Variants in CTNNBL1 observed in about 807,000 individuals in gnomAD.
CTNNBL1 encodes beta-catenin-like protein 1.
In CTNNBL1, 31 loss-of-function variants were observed where a neutral mutation model predicts 72.7. The observed-to-expected ratio is 0.43, with a 90% CI of 0.32 to 0.58. CTNNBL1 has a LOEUF of 0.58. Ranked by LOEUF, CTNNBL1 falls within the 20% of genes least tolerant of loss-of-function variation. The pLI is 0.08. For missense variants in CTNNBL1, 534 were observed against 725.1 expected, an observed-to-expected ratio of 0.74 and a Z score of 3.03; for synonymous variants, 240 against 267.3, an observed-to-expected ratio of 0.90 and a Z score of 1.00.
chr20:37,715,804 A>C (rs957164145), intron 1 of CTNNBL1, among the ~76,000 whole-genome samples: 4 of 152,202 alleles, frequency 2.6e-5, no homozygotes, highest in Non-Finnish European at 5.9e-5. Flanking sequence ...TGGAGCTCTG[A>C]GGCTAGCTCT....
Position 37,733,061 on chromosome 20 carries a change from G to A in CTNNBL1, c.213G>A (p.Glu71=). ...TTGACAGAGATGGGGAAGAGGAAGA[G>A]GAAGAGGTAACGTGGCAGCGCTGGG... The part of the protein sequence containing the change: ...QIIDRDGEEE[E]EEEEPLDESS... Residue 71 remains glutamate (E), a synonymous_variant, in exon 2 of 16, where the codon GAG becomes GAA. Coordinates refer to ENST00000361383, the MANE Select transcript of CTNNBL1 (RefSeq NM_030877.5). 2.5e-6 allele frequency: 4 copies of A among 1,611,362 alleles called. No individual in the cohort carries two copies. In the Middle Eastern group the frequency reaches 5.3e-4, roughly 214 times the overall value.
At chr20:37,774,965 T>C (rs992566198) in intron 7 of CTNNBL1, among the ~76,000 whole-genome samples, 4 of 152,214 alleles carry the variant, frequency 2.6e-5, no homozygotes, top group Non-Finnish European at 5.9e-5. Context: ...TATTTTCATT[T>C]TACAGATGAG....
intron 13 of CTNNBL1, among the ~76,000 whole-genome samples, chr20:37,851,125 G>A (rs1362616851): frequency 2.0e-5 from 3 of 152,150 alleles, no homozygotes; most frequent in East Asian, 1.9e-4. Flanking sequence ...GCACCTTGGC[G>A]CTACACATAC....
intron 1 of CTNNBL1, among the ~76,000 whole-genome samples, chr20:37,725,444 C>T (rs1457830226): frequency 1.3e-5 from 2 of 151,736 alleles, no homozygotes; most frequent in Non-Finnish European, 2.9e-5. Flanking sequence ...TTACAGGCAC[C>T]CACCACCACA....
intron 1 of CTNNBL1, among the ~76,000 whole-genome samples, chr20:37,701,720 A>T (rs894012994): frequency 1.3e-5 from 2 of 152,238 alleles, no homozygotes; most frequent in Non-Finnish European, 2.9e-5. Context: ...TGTTCAAAGC[A>T]TAGGGTAAAT....
chr20:37,782,828 A>C (rs1200489184), intron 10 of CTNNBL1, among the ~76,000 whole-genome samples: 2 of 152,194 alleles, frequency 1.3e-5, no homozygotes, highest in African/African-American at 2.4e-5. Flanking sequence ...TTAGAGTTGA[A>C]AACATAGATT....
chr20:37,707,379 A>G (rs965503707), intron 1 of CTNNBL1, among the ~76,000 whole-genome samples: 2 of 152,190 alleles, frequency 1.3e-5, no homozygotes, highest in African/African-American at 4.8e-5. Context: ...AATTCTTCTG[A>G]CTAACTTGCT....
chr20:37,783,365 T>G (rs1261517315), intron 10 of CTNNBL1, among the ~76,000 whole-genome samples: 1 of 152,204 alleles, frequency 6.6e-6, no homozygotes, highest in Admixed American at 6.5e-5. Context: ...TTCATTTATT[T>G]CTGCTCTGAT....
chr20:37,788,968 G>C (rs897795272), intron 10 of CTNNBL1, among the ~76,000 whole-genome samples: 6 of 152,182 alleles, frequency 3.9e-5, no homozygotes, highest in Non-Finnish European at 5.9e-5. Flanking sequence ...AAGAAGAAAA[G>C]CTTTCTTGTT....
At chr20:37,861,344 CT>C (rs1487544775) in intron 15 of CTNNBL1, among the ~76,000 whole-genome samples, 1 of 152,242 alleles carries the variant, frequency 6.6e-6, no homozygotes, top group African/African-American at 2.4e-5. Flanking sequence ...GGCGGGGCCC[CT>C]GTTCTGAGCT....
At chr20:37,701,466 A>G (rs2072841455) in intron 1 of CTNNBL1, among the ~76,000 whole-genome samples, 1 of 152,218 alleles carries the variant, frequency 6.6e-6, no homozygotes, top group Non-Finnish European at 1.5e-5. Context: ...TGTAAGGAGC[A>G]AGACAGACAT....
chr20:37,818,891 C>T (rs1316724976), intron 11 of CTNNBL1, among the ~76,000 whole-genome samples: 4 of 152,180 alleles, frequency 2.6e-5, no homozygotes, highest in Non-Finnish European at 5.9e-5. Context: ...TGTGTAACTG[C>T]CCATAATCTG....
chr20:37,773,084 C>G (rs1202391148), intron 7 of CTNNBL1, among the ~76,000 whole-genome samples: 1 of 152,116 alleles, frequency 6.6e-6, no homozygotes, highest in African/African-American at 2.4e-5. Flanking sequence ...ACAGCAAAAC[C>G]AAGTATAAGA....
chr20:37,730,958 C>A (rs1013853008), intron 1 of CTNNBL1, among the ~76,000 whole-genome samples: 5 of 151,730 alleles, frequency 3.3e-5, no homozygotes, highest in Non-Finnish European at 5.9e-5. Context: ...GCTTCTGGGC[C>A]TTTATTATTA....
intron 1 of CTNNBL1, among the ~76,000 whole-genome samples, chr20:37,722,571 AT>A (rs1239408425): frequency 6.6e-6 from 1 of 152,190 alleles, no homozygotes; most frequent in Non-Finnish European, 1.5e-5. Flanking sequence ...ATTAAGAGAA[AT>A]TGAATTCCGT....
intron 10 of CTNNBL1, among the ~76,000 whole-genome samples, chr20:37,791,224 A>G (rs1357920115): frequency 6.6e-6 from 1 of 152,176 alleles, no homozygotes; most frequent in African/African-American, 2.4e-5. Context: ...TTCATGTGCA[A>G]ATCTTTGGGC....
intron 11 of CTNNBL1, among the ~76,000 whole-genome samples, chr20:37,839,519 C>T (rs1187240768): frequency 2.0e-5 from 3 of 152,112 alleles, no homozygotes; most frequent in East Asian, 3.8e-4. Context: ...TAATAGAAGC[C>T]GCTGGGTTGT....
rs1011551926 is a variant in CTNNBL1 at position 37,791,983 on chromosome 20, T to G, written c.1032-10884T>G. On this transcript the variant is annotated intron_variant, in intron 10 of 15. Coordinates refer to ENST00000361383, the MANE Select transcript of CTNNBL1 (RefSeq NM_030877.5). ...CTTTTCATAACACTCTTTTGAAAAT[T>G]TTTCAGTTTTGATGGAGTATAATTT... Among the ~76,000 whole-genome samples the G allele has an allele frequency of 2.0e-5, 3 of 152,212 alleles. No individual in the cohort carries two copies. In the South Asian group the frequency reaches 6.2e-4, roughly 32 times the overall value.
At chr20:37,780,805 C>G (rs2073619005) in intron 10 of CTNNBL1, among the ~76,000 whole-genome samples, 2 of 152,122 alleles carry the variant, frequency 1.3e-5, no homozygotes, top group Admixed American at 1.3e-4. Flanking sequence ...TATAATGAAA[C>G]CAGTTTTTCT....
Sources: allele counts gnomAD v4.1 joint callset (sites outside exome capture counted in the v4.1 genomes callset), GRCh38; gene constraint gnomAD v4.1.1; transcripts MANE v1.5; gene names NCBI Gene and HGNC (gene_info 2026-07-23, HGNC 2026-07-21).